Variants in RAB11B observed in about 807,000 individuals in gnomAD.
RAB11B encodes the protein ras-related protein Rab-11B.
A neutral mutation model predicts 23.7 loss-of-function variants in RAB11B; 7 were observed. That is an observed-to-expected ratio of 0.29 (90% CI 0.17 to 0.55). The LOEUF is 0.55. RAB11B is among the 20% of genes least tolerant of loss of function. RAB11B has a pLI of 0.93. For missense variants in RAB11B, 189 were observed against 320.0 expected, an observed-to-expected ratio of 0.59 and a Z score of 3.12; for synonymous variants, 138 against 132.0, an observed-to-expected ratio of 1.05 and a Z score of -0.31.
intron 1 of RAB11B, among the ~76,000 whole-genome samples, chr19:8,394,242 G>A (rs1367812505): frequency 7.2e-5 from 11 of 152,128 alleles, no homozygotes; most frequent in Non-Finnish European, 1.0e-4. Flanking sequence ...TGCAACCTCC[G>A]CCTCCTGGGT....
chr19:8,399,175 G>A (rs533084193), intron 1 of RAB11B, among the ~76,000 whole-genome samples: 53 of 152,050 alleles, frequency 3.5e-4, no homozygotes, highest in African/African-American at 1.3e-3. Flanking sequence ...GGATGGTCTC[G>A]ATCTCCTGAC....
intron 1 of RAB11B, among the ~76,000 whole-genome samples, chr19:8,391,496 A>G (rs3786623): frequency 0.55 from 83,516 of 152,076 alleles, 23,918 homozygotes; most frequent in African/African-American, 0.68. Flanking sequence ...GCCATTGCCC[A>G]TTTAGGGACA....
rs564895621 is a variant in RAB11B at position 8,392,386 on chromosome 19, T to A, written c.40+1930T>A. Among the ~76,000 whole-genome samples the A allele has an allele frequency of 1.5e-4, 23 of 152,078 alleles. No homozygotes were observed. In the South Asian group the frequency reaches 4.6e-3, roughly 30 times the overall value. On this transcript the variant is annotated intron_variant, in intron 1 of 4. Coordinates refer to ENST00000328024, the MANE Select transcript of RAB11B (RefSeq NM_004218.4). The stretch of plus-strand genomic sequence containing the variant: ...GAGGCTGTGTGGTTCCCGGGACTTG[T>A]CTGCAGAGACTGCTTCCTGGAAACA...
intron 1 of RAB11B, among the ~76,000 whole-genome samples, chr19:8,393,458 C>T (rs892329987): frequency 2.0e-5 from 3 of 152,228 alleles, no homozygotes; most frequent in Non-Finnish European, 4.4e-5. Context: ...ACAAGGTGGC[C>T]CCTGTCCCCA....
chr19:8,394,582 G>A lies in RAB11B; in HGVS notation c.40+4126G>A, dbSNP rs577847704. ...TCCCTGGGGCAGCCCTGAGAATGTG[G>A]ACAGCTGAGGCCTGCAAAGCACTGG... is the stretch of plus-strand genomic sequence containing the variant. On this transcript the variant is annotated intron_variant, in intron 1 of 4. Transcript: ENST00000328024. Among the ~76,000 whole-genome samples the A allele has an allele frequency of 4.6e-5, 7 of 152,354 alleles. No individual in the cohort carries two copies. The South Asian group carries it at 1.4e-3, about 32-fold the overall frequency.
chr19:8,399,925 G>A lies in RAB11B; in HGVS notation c.103G>A (p.Glu35Lys), dbSNP rs1971424667. 2 of 1,614,226 alleles carry A rather than the reference G, an allele frequency of 1.2e-6. No homozygotes were observed. The highest frequency in any genetic ancestry group is 1.7e-6 in the Non-Finnish European group (2 of 1,180,028). The stretch of plus-strand genomic sequence containing the variant: ...CCTGCTGTCGCGCTTCACCCGCAAC[G>A]AGTTCAACCTGGAGAGCAAGAGCAC... ...SNLLSRFTRN[E>K]FNLESKSTIG... Residue 35 changes from glutamate to lysine, a missense_variant, in exon 2 of 5, where the codon GAG becomes AAG. Coordinates refer to ENST00000328024, the MANE Select transcript of RAB11B (RefSeq NM_004218.4).
chr19:8,391,751 A>G, intron 1 of RAB11B, among the ~76,000 whole-genome samples: 1 of 151,860 alleles, frequency 6.6e-6, no homozygotes, highest in Middle Eastern at 3.2e-3. Flanking sequence ...GGCTTGCACC[A>G]GGCCTAGCTG....
Position 8,403,877 on chromosome 19 carries a change from T to A in RAB11B, c.*319T>A. 1 of 270,002 alleles carries A rather than the reference T, an allele frequency of 3.7e-6. No homozygotes were observed. Among genetic ancestry groups the A allele is most frequent in the Non-Finnish European group, 7.0e-6 (1 of 142,738 alleles). The allele number at this position is 270,002 out of a possible 1,614,324, so 16.7% of individuals were successfully genotyped here. A position where few individuals can be genotyped will look rare whatever the true frequency, so the allele number is the denominator to read the frequency against. On this transcript the variant is annotated 3_prime_UTR_variant, in exon 5 of 5. Coordinates refer to ENST00000328024, the MANE Select transcript of RAB11B (RefSeq NM_004218.4). ...CGGACGGCGCCGCCTTCTCCCCTTTTCCTTGGCCGACTCTAGGGAGCGATT... is the reference window on the plus strand; with the variant it reads ...CGGACGGCGCCGCCTTCTCCCCTTTACCTTGGCCGACTCTAGGGAGCGATT...
At chr19:8,397,992 G>A (rs1338710976) in intron 1 of RAB11B, among the ~76,000 whole-genome samples, 1 of 152,148 alleles carries the variant, frequency 6.6e-6, no homozygotes, top group Non-Finnish European at 1.5e-5. Flanking sequence ...GCTTCTGGCT[G>A]GGGCGTCTGG....
At chr19:8,400,170 C>G (rs1971426529) in intron 2 of RAB11B, 112 bp downstream of exon 2, 2 of 1,286,366 alleles carry the variant, frequency 1.6e-6, no homozygotes, top group Non-Finnish European at 2.2e-6. Context: ...GAGTGTGCTC[C>G]CAAGACCAGG....
chr19:8,395,635 G>A (rs1408603796), intron 1 of RAB11B, among the ~76,000 whole-genome samples: 1 of 152,142 alleles, frequency 6.6e-6, no homozygotes, highest in Non-Finnish European at 1.5e-5. Context: ...TGCCAGCCCC[G>A]TTGTCTTAGG....
At chr19:8,392,691 T>TTTC (rs1296896890) in intron 1 of RAB11B, among the ~76,000 whole-genome samples, 1 of 137,754 alleles carries the variant, frequency 7.3e-6, no homozygotes, top group Admixed American at 7.2e-5. Context: ...TTTTCTTTTT[T>TTTC]TTTTTTTTTT....
At chr19:8,397,542 G>A (rs373656254) in intron 1 of RAB11B, among the ~76,000 whole-genome samples, 3 of 152,120 alleles carry the variant, frequency 2.0e-5, no homozygotes, top group Admixed American at 6.5e-5. Context: ...GGGCGAAAGC[G>A]TGCTTGGTTT....
chr19:8,401,365 C>A (rs1014637538), intron 2 of RAB11B, among the ~76,000 whole-genome samples: 2 of 151,594 alleles, frequency 1.3e-5, no homozygotes, highest in East Asian at 3.9e-4. Flanking sequence ...CAGGCGTGAG[C>A]GACCCTGCCT....
Position 8,402,326 on chromosome 19 carries a change from G to A in RAB11B, c.430+47G>A, listed in dbSNP as rs377512497. The A allele has an allele frequency of 1.3e-4, 199 of 1,533,212 alleles. 1 individual carries two copies. The African/African-American group carries it at 2.3e-3, about 17-fold the overall frequency. 95.0% of individuals were successfully genotyped at this position (1,533,212 alleles called of 1,614,324 possible). A position where few individuals can be genotyped will look rare whatever the true frequency, so the allele number is the denominator to read the frequency against. Reference sequence around the variant, plus strand: ...CATCAGAGAGGTGTCTGGAAGGCAGGAGGCCCCTCACAGTGTTGGGGCCCT... The same window carrying A: ...CATCAGAGAGGTGTCTGGAAGGCAGAAGGCCCCTCACAGTGTTGGGGCCCT... On this transcript the variant is annotated intron_variant, in intron 3 of 4. Transcript: ENST00000328024.
intron 1 of RAB11B, among the ~76,000 whole-genome samples, chr19:8,391,711 C>T (rs540690287): frequency 2.6e-5 from 4 of 152,184 alleles, no homozygotes; most frequent in South Asian, 2.1e-4. Context: ...ATCCTCACCT[C>T]GCTGAGCCGT....
At chr19:8,398,953 A>G (rs1205189733) in intron 1 of RAB11B, among the ~76,000 whole-genome samples, 1 of 122,898 alleles carries the variant, frequency 8.1e-6, no homozygotes, top group Non-Finnish European at 1.8e-5. Flanking sequence ...AATTATTATT[A>G]TTATTATTTT....
chr19:8,401,922 C>T (rs1029371277), intron 2 of RAB11B, among the ~76,000 whole-genome samples, 164 bp from the exon 3 acceptor site: 3 of 152,232 alleles, frequency 2.0e-5, no homozygotes, highest in Admixed American at 1.3e-4. Flanking sequence ...CAGGGAGCAG[C>T]GCTGGGGCCT....
intron 1 of RAB11B, among the ~76,000 whole-genome samples, chr19:8,397,032 A>T (rs1045451169): frequency 3.3e-5 from 5 of 152,174 alleles, no homozygotes; most frequent in Admixed American, 3.3e-4. Context: ...TGAAGGATTG[A>T]TTCTGAGATG....
Sources: gnomAD v4.1 joint callset for allele counts (sites outside exome capture counted in the v4.1 genomes callset) on GRCh38, gnomAD v4.1.1 for gene constraint, MANE v1.5 for transcripts, NCBI Gene and HGNC (gene_info 2026-07-23, HGNC 2026-07-21) for gene names.